The following KITLG variants were observed in gnomAD, a reference collection of about 807,000 sequenced individuals.
KITLG encodes the protein c-Kit ligand.
Under a neutral mutation model 34.1 loss-of-function variants are expected in KITLG, and 13 were observed. The ratio of observed to expected loss-of-function variants is 0.38; its 90% CI spans 0.25 to 0.61. KITLG has a LOEUF of 0.61. Ranked by LOEUF, KITLG falls within the 20% of genes least tolerant of loss-of-function variation. The probability of loss-of-function intolerance (pLI) is 0.60; values close to 1 mark genes in which losing one functional copy is unlikely to be tolerated. For synonymous variants in KITLG, 110 were observed against 104.0 expected, an observed-to-expected ratio of 1.06 and a Z score of -0.35; for missense variants, 292 against 318.9, an observed-to-expected ratio of 0.92 and a Z score of 0.64.
intron 2 of KITLG, among the ~76,000 whole-genome samples, chr12:88,542,446 G>A (rs1410793737): frequency 1.3e-5 from 2 of 152,064 alleles, no homozygotes; most frequent in Non-Finnish European, 2.9e-5. Context: ...AGGTAATAGT[G>A]GAGCTGGTAT....
In KITLG at chr12:88,497,192, A is replaced by T. The variant is rs184755984; in HGVS notation, c.*38-11T>A. 7.5e-4 allele frequency: 328 copies of T among 438,528 alleles called. 1 individual carries two copies. The highest frequency in any genetic ancestry group is 7.2e-4 in the Non-Finnish European group (157 of 219,368). The allele number at this position is 438,528 out of a possible 1,614,324, so 27.2% of individuals were successfully genotyped here. A position where few individuals can be genotyped will look rare whatever the true frequency, so the allele number is the denominator to read the frequency against. On this transcript the variant is annotated splice_polypyrimidine_tract_variant and intron_variant, in intron 9 of 9. Coordinates refer to ENST00000644744, the MANE Select transcript of KITLG (RefSeq NM_000899.5). ...TGAACTGTTACCAGCCTAGAAAGGA[A>T]GGAAGAAAAGAGAGATTATGGTGTA...
At chr12:88,512,015 C>T (rs1869295775) in intron 6 of KITLG, among the ~76,000 whole-genome samples, 2 of 152,110 alleles carry the variant, frequency 1.3e-5, no homozygotes, top group South Asian at 4.1e-4. Context: ...TAAACAATCA[C>T]TAACCATTTA....
intron 2 of KITLG, among the ~76,000 whole-genome samples, chr12:88,536,604 G>T (rs1044282030): frequency 2.6e-5 from 4 of 152,204 alleles, no homozygotes; most frequent in Non-Finnish European, 5.9e-5. Flanking sequence ...ATCAGTGATA[G>T]ACTGGATAAA....
Position 88,562,185 on chromosome 12 carries a change from T to A in KITLG, c.16-16320A>T, listed in dbSNP as rs1009254880. On this transcript the variant is annotated intron_variant, in intron 1 of 9. Coordinates refer to ENST00000644744, the MANE Select transcript of KITLG (RefSeq NM_000899.5). ...CATATTTGTGGATTGTATGTATTGC[T>A]AACTGCTACTGAATTGCTCATAAAA... is the stretch of plus-strand genomic sequence containing the variant. Among the ~76,000 whole-genome samples the A allele has an allele frequency of 1.6e-4, 25 of 152,382 alleles. No individual in the cohort carries two copies. The East Asian group carries it at 4.6e-3, about 28-fold the overall frequency.
At chr12:88,518,961 C>T in intron 3 of KITLG, 94 bp from the exon 4 acceptor site, 1 of 1,107,826 alleles carries the variant, frequency 9.0e-7, no homozygotes, top group African/African-American at 1.5e-5. Flanking sequence ...TTTAGTTACT[C>T]AAGTGATTCT....
intron 1 of KITLG, among the ~76,000 whole-genome samples, chr12:88,571,340 G>T (rs1002952572): frequency 1.3e-5 from 2 of 152,126 alleles, no homozygotes; most frequent in Non-Finnish European, 1.5e-5. Flanking sequence ...TTTAAATATT[G>T]AGAAAGTGAA....
intron 1 of KITLG, among the ~76,000 whole-genome samples, chr12:88,559,622 C>A (rs3782180): frequency 0.66 from 100,155 of 152,094 alleles, 36,704 homozygotes; most frequent in Middle Eastern, 0.86. Flanking sequence ...GGAAAAAGCC[C>A]AGTAATTAAG....
intron 1 of KITLG, among the ~76,000 whole-genome samples, chr12:88,573,030 T>C (rs1871708009): frequency 6.6e-6 from 1 of 152,196 alleles, no homozygotes; most frequent in Non-Finnish European, 1.5e-5. Flanking sequence ...CTAATGTGTT[T>C]ACTATTTCAG....
At chr12:88,565,344 C>T (rs1037714611) in intron 1 of KITLG, among the ~76,000 whole-genome samples, 11 of 152,092 alleles carry the variant, frequency 7.2e-5, no homozygotes, top group African/African-American at 2.7e-4. Flanking sequence ...AAAAAAATCT[C>T]GGCTGGGCAC....
intron 7 of KITLG, 43 bp downstream of exon 7, chr12:88,506,985 G>T: frequency 9.8e-7 from 1 of 1,020,482 alleles, no homozygotes; most frequent in Non-Finnish European, 1.6e-6. Context: ...GATAATTTAT[G>T]TAAACATAGC....
intron 2 of KITLG, among the ~76,000 whole-genome samples, chr12:88,541,836 A>T (rs1467275344): frequency 6.6e-6 from 1 of 152,208 alleles, no homozygotes; most frequent in African/African-American, 2.4e-5. Context: ...ATTTGACATT[A>T]AAGTCATAAA....
chr12:88,566,628 T>C (rs1871452040), intron 1 of KITLG, among the ~76,000 whole-genome samples: 2 of 152,132 alleles, frequency 1.3e-5, no homozygotes, highest in Non-Finnish European at 2.9e-5. Flanking sequence ...TGGTATGTCA[T>C]TGTACATAGT....
intron 1 of KITLG, among the ~76,000 whole-genome samples, chr12:88,551,214 AT>A (rs1243124536): frequency 1.3e-5 from 2 of 152,242 alleles, no homozygotes; most frequent in African/African-American, 4.8e-5. Context: ...TAAAGAATTC[AT>A]TCTGGCATAG....
At chr12:88,580,179 A>G (rs1871967945) in intron 1 of KITLG, 85 bp downstream of exon 1, 3 of 1,403,600 alleles carry the variant, frequency 2.1e-6, no homozygotes, top group Non-Finnish European at 3.0e-6. Flanking sequence ...CCCAGCTGCA[A>G]GTCCCAGGGA....
chr12:88,492,868 AT>A lies in KITLG; in HGVS notation c.*4350del, dbSNP rs1868462988. The A allele has an allele frequency of 6.6e-6, 1 of 152,422 alleles. No homozygotes were observed. Among genetic ancestry groups the A allele is most frequent in the Admixed American group, 6.6e-5 (1 of 15,206 alleles). 9.4% of individuals were successfully genotyped at this position (152,422 alleles called of 1,614,324 possible). The stretch of plus-strand genomic sequence containing the variant: ...CATGTAATTTTAAATTCAAACCTGT[AT>A]AAAAAAGGGTTGGGACATACACCTA... On this transcript the variant is annotated 3_prime_UTR_variant, in exon 10 of 10. Coordinates refer to ENST00000644744, the MANE Select transcript of KITLG (RefSeq NM_000899.5).
intron 1 of KITLG, among the ~76,000 whole-genome samples, chr12:88,572,983 C>T (rs1427415157): frequency 6.6e-6 from 1 of 152,158 alleles, no homozygotes; most frequent in Non-Finnish European, 1.5e-5. Flanking sequence ...CTAAAGCAAT[C>T]ACAGAGCTTT....
At chr12:88,539,264 C>T (rs778919905) in intron 2 of KITLG, among the ~76,000 whole-genome samples, 1 of 152,106 alleles carries the variant, frequency 6.6e-6, no homozygotes, top group Non-Finnish European at 1.5e-5. Context: ...CTCCCAAGTC[C>T]AAGGCAGGAA....
At chr12:88,524,814 C>T (rs1869805571) in intron 3 of KITLG, among the ~76,000 whole-genome samples, 1 of 152,096 alleles carries the variant, frequency 6.6e-6, no homozygotes, top group Non-Finnish European at 1.5e-5. Flanking sequence ...TATGCTTATT[C>T]CTTTTAAATA....
chr12:88,548,640 T>C (rs1870796114), intron 1 of KITLG, among the ~76,000 whole-genome samples: 1 of 152,130 alleles, frequency 6.6e-6, no homozygotes, highest in Non-Finnish European at 1.5e-5. Context: ...TTTAGGGATA[T>C]GGCATGAACT....
Sources: gnomAD v4.1 joint callset for allele counts (sites outside exome capture counted in the v4.1 genomes callset) on GRCh38, gnomAD v4.1.1 for gene constraint, MANE v1.5 for transcripts, NCBI Gene and HGNC (gene_info 2026-07-23, HGNC 2026-07-21) for gene names.